ADAMTSL2: variants seen among roughly 807,000 people sequenced by gnomAD.
ADAMTSL2 encodes ADAMTS-like protein 2.
ADAMTSL2 carries 55 observed loss-of-function variants against 117.0 expected under a neutral mutation model. That is an observed-to-expected ratio of 0.47 (90% CI 0.38 to 0.59). The LOEUF is 0.59. Ranked by LOEUF, ADAMTSL2 falls within the 20% of genes least tolerant of loss-of-function variation. The probability of loss-of-function intolerance (pLI) is 0.00; values close to 1 mark genes in which losing one functional copy is unlikely to be tolerated. For missense variants in ADAMTSL2, 1,182 were observed against 1,354.5 expected (o/e 0.87, Z 2.00); for synonymous variants, 572 against 566.4 (o/e 1.01, Z -0.14).
At position 133,554,014 on chromosome 9, in the gene ADAMTSL2, G is replaced by A. The variant is rs1322069814; in HGVS notation, c.940-343G>A. 2.6e-5 allele frequency among the ~76,000 whole-genome samples: 4 copies of A among 152,350 alleles called. No homozygotes were observed. The East Asian group carries it at 7.7e-4, about 29-fold the overall frequency. On this transcript the variant is annotated intron_variant, in intron 9 of 18. Coordinates refer to ENST00000651351, the MANE Select transcript of ADAMTSL2 (RefSeq NM_014694.4). The surrounding 1 kb of genome is among the most constrained non-coding windows in gnomAD (Gnocchi z 5.2). ...ATGGTGAGAAGAAAATGCAGGCCAG[G>A]TTTTGTTGGCTTCATTACTTAAATT... is the stretch of plus-strand genomic sequence containing the variant.
chr9:133,575,037 C>G lies in ADAMTSL2; in HGVS notation c.*173C>G. 1.6e-6 allele frequency: 1 copy of G among 617,336 alleles called. No individual in the cohort carries two copies. Among genetic ancestry groups the G allele is most frequent in the Non-Finnish European group, 2.9e-6 (1 of 346,534 alleles). The allele number at this position is 617,336 out of a possible 1,614,324, so 38.2% of individuals were successfully genotyped here. A position where few individuals can be genotyped will look rare whatever the true frequency, so the allele number is the denominator to read the frequency against. On this transcript the variant is annotated 3_prime_UTR_variant, in exon 19 of 19. Coordinates refer to ENST00000651351, the MANE Select transcript of ADAMTSL2 (RefSeq NM_014694.4). ...CCCACGGCCCGTGGACCTTTGTGCT[C>G]CTGGGGCAGAGCCTCCGGCACCCAG...
At chr9:133,565,371 G>T (rs1274760028) in intron 12 of ADAMTSL2, among the ~76,000 whole-genome samples, 1 of 152,158 alleles carries the variant, frequency 6.6e-6, no homozygotes, top group Non-Finnish European at 1.5e-5. Flanking sequence ...AGTCTCTCTT[G>T]ACCAAGGCCT....
chr9:133,564,219 G>A (rs867506750), intron 12 of ADAMTSL2, among the ~76,000 whole-genome samples: 385 of 10,358 alleles, frequency 0.037, no homozygotes, highest in East Asian at 0.11. Flanking sequence ...AGAGGGAGAG[G>A]GAGAGAGAGG....
chr9:133,543,769 C>G (rs1830281609), intron 7 of ADAMTSL2, among the ~76,000 whole-genome samples: 1 of 152,252 alleles, frequency 6.6e-6, no homozygotes, highest in African/African-American at 2.4e-5. Flanking sequence ...AAAATCTCTC[C>G]TTCTCCCCAG....
chr9:133,566,938 G>T lies in ADAMTSL2; in HGVS notation c.1750G>T (p.Val584Phe). 2 of 1,607,038 alleles carry T rather than the reference G, an allele frequency of 1.2e-6. No homozygotes were observed. Among genetic ancestry groups the T allele is most frequent in the Non-Finnish European group, 1.7e-6 (2 of 1,177,340 alleles). The change falls in exon 13 of 19, where the codon GTC becomes TTC. Residue 584 changes from valine (V) to phenylalanine (F), a missense_variant and splice_region_variant. Around this residue, in one of 3 missense-constraint regions of ADAMTSL2, gnomAD observed 465 missense variants for 565.3 expected, o/e 0.82. Transcript: ENST00000651351. ...ACCCACCCCTGTCCCCAACCCAGGG[G>T]TCATGTCTGCGTACGCCATGTGTGT... The part of the protein sequence containing the change: ...EPCSATCTTG[V>F]MSAYAMCVRY...
In ADAMTSL2 at chr9:133,547,130, T is replaced by C. The variant is rs1029209505; in HGVS notation, c.856T>C (p.Tyr286His). Residue 286 changes from tyrosine (Y) to histidine (H), a missense_variant, in exon 9 of 19, where the codon TAC becomes CAC. Physicochemically the swap from Tyr to His is moderately conservative, Grantham distance 83. This residue lies in a region of ADAMTSL2 where 372 missense variants were observed against 463.4 expected (regional missense o/e 0.80). Coordinates refer to ENST00000651351, the MANE Select transcript of ADAMTSL2 (RefSeq NM_014694.4). ...CAACATCGCAGGCACGGTGGTCAAG[T>C]ACAGGCGGCCCATGGATGTCTATGA... ...NFNIAGTVVK[Y>H]RRPMDVYETG... The C allele has an allele frequency of 1.2e-6, 2 of 1,613,856 alleles. No homozygotes were observed. The highest frequency in any genetic ancestry group is 1.7e-6 in the Non-Finnish European group (2 of 1,179,760).
At chr9:133,555,006 C>T (rs1830572736) in intron 10 of ADAMTSL2, among the ~76,000 whole-genome samples, 1 of 152,062 alleles carries the variant, frequency 6.6e-6, no homozygotes, top group East Asian at 1.9e-4. Flanking sequence ...GCAGGATGGT[C>T]TGATCTCTCG....
intron 15 of ADAMTSL2, 38 bp from the exon 16 acceptor site, chr9:133,569,370 T>A (rs1385699094): frequency 1.2e-6 from 2 of 1,607,778 alleles, no homozygotes; most frequent in East Asian, 4.5e-5. Context: ...TGTGGCTGCC[T>A]CTCACTGGAT....
At chr9:133,568,839 AT>A in intron 15 of ADAMTSL2, 81 bp downstream of exon 15, 7 of 1,588,186 alleles carry the variant, frequency 4.4e-6, no homozygotes, top group Admixed American at 1.7e-5. Flanking sequence ...CTCAGTTTCC[AT>A]TTTTTTCCGA....
chr9:133,551,708 T>C (rs934042728), intron 9 of ADAMTSL2, among the ~76,000 whole-genome samples: 13 of 151,932 alleles, frequency 8.6e-5, no homozygotes, highest in Admixed American at 8.5e-4. Context: ...TCTCTATTCC[T>C]ATAGGATCTG....
chr9:133,560,361 A>G (rs889182116), intron 11 of ADAMTSL2, among the ~76,000 whole-genome samples: 4 of 152,190 alleles, frequency 2.6e-5, no homozygotes, highest in Non-Finnish European at 5.9e-5. Context: ...TCTCTGGCTC[A>G]GGGGCGGCGG....
intron 7 of ADAMTSL2, among the ~76,000 whole-genome samples, chr9:133,541,816 A>T (rs9696319): frequency 0.27 from 40,423 of 152,084 alleles, 5,888 homozygotes; most frequent in African/African-American, 0.36. Context: ...CCCAGCCCTC[A>T]TCGGGGGTGG....
At chr9:133,538,987 G>T (rs1453382202) in intron 4 of ADAMTSL2, among the ~76,000 whole-genome samples, 1 of 152,238 alleles carries the variant, frequency 6.6e-6, no homozygotes, top group Non-Finnish European at 1.5e-5. Flanking sequence ...GCGTGAGGCT[G>T]GGGCACGCCG....
chr9:133,573,313 C>T (rs1450648211), intron 17 of ADAMTSL2, among the ~76,000 whole-genome samples: 1 of 152,202 alleles, frequency 6.6e-6, no homozygotes, highest in East Asian at 1.9e-4. Context: ...CCAAGGGGAA[C>T]ATCTGGACGG....
At chr9:133,539,675 C>CTGTCCCGGA (rs2131097583) in intron 4 of ADAMTSL2, 96 bp from the exon 5 acceptor site, 1 of 1,275,362 alleles carries the variant, frequency 7.8e-7, no homozygotes, top group South Asian at 1.3e-5. Context: ...GCTGTCCCGG[C>CTGTCCCGGA]TGTCCCGGCT....
intron 11 of ADAMTSL2, among the ~76,000 whole-genome samples, chr9:133,560,087 AC>A (rs1390249680): frequency 6.6e-6 from 1 of 152,240 alleles, no homozygotes; most frequent in Non-Finnish European, 1.5e-5. Context: ...TGTCTGTATC[AC>A]GGAGTCAATC....
chr9:133,566,524 C>T (rs1271309097), intron 12 of ADAMTSL2, among the ~76,000 whole-genome samples: 2 of 152,190 alleles, frequency 1.3e-5, no homozygotes, highest in Admixed American at 6.5e-5. Context: ...CCACCATGAC[C>T]TCTGAGGAGG....
chr9:133,532,592 C>G (rs987731524), upstream of ADAMTSL2: 1 of 152,244 alleles, frequency 6.6e-6, no homozygotes, highest in East Asian at 1.9e-4. Context: ...CTGAGACCAT[C>G]CTACATGGGG....
chr9:133,566,926 C>T lies in ADAMTSL2; in HGVS notation c.1748-10C>T. The T allele has an allele frequency of 6.2e-7, 1 of 1,603,472 alleles. No homozygotes were observed. Among genetic ancestry groups the T allele is most frequent in the East Asian group, 2.3e-5 (1 of 44,398 alleles). On this transcript the variant is annotated splice_polypyrimidine_tract_variant and intron_variant, in intron 12 of 18. Coordinates refer to ENST00000651351, the MANE Select transcript of ADAMTSL2 (RefSeq NM_014694.4). ...CATGGCTCACAGACCCACCCCTGTCCCCAACCCAGGGGTCATGTCTGCGTA... is the reference window on the plus strand; with the variant it reads ...CATGGCTCACAGACCCACCCCTGTCTCCAACCCAGGGGTCATGTCTGCGTA...
Sources: allele counts gnomAD v4.1 joint callset (sites outside exome capture counted in the v4.1 genomes callset), GRCh38; gene constraint gnomAD v4.1.1; regional missense constraint gnomAD v4.1.1; non-coding constraint Gnocchi (gnomAD v3.1); transcripts MANE v1.5; gene names NCBI Gene and HGNC (gene_info 2026-07-23, HGNC 2026-07-21).